Variants in KHSRP observed in about 807,000 individuals in gnomAD.
KHSRP encodes the protein KH-type splicing regulatory protein.
A neutral mutation model predicts 94.9 loss-of-function variants in KHSRP; 13 were observed. The observed-to-expected ratio is 0.14, with a 90% CI of 0.09 to 0.22. The LOEUF is 0.22. KHSRP is among the 10% of genes least tolerant of loss of function. The pLI is 1.00. For missense variants in KHSRP, 710 were observed against 1,010.0 expected (o/e 0.70, Z 4.03); for synonymous variants, 495 against 401.4 (o/e 1.23, Z -2.79).
In KHSRP at chr19:6,418,509, T is replaced by C. The variant is rs200819857; in HGVS notation, c.853A>G (p.Ile285Val). 109 of 1,613,742 alleles carry C rather than the reference T, an allele frequency of 6.8e-5. No homozygotes were observed. The highest frequency in any genetic ancestry group is 2.0e-5 in the Non-Finnish European group (24 of 1,179,810). Reference protein sequence around the residue: ...QNTNVDKPLRIIGDPYKVQQA... With the variant: ...QNTNVDKPLRVIGDPYKVQQA... ...TGCACTTTGTAAGGATCCCCAATGATGCGGAGAGGTTTGTCCACATTCGTA... is the reference window on the plus strand; with the variant it reads ...TGCACTTTGTAAGGATCCCCAATGACGCGGAGAGGTTTGTCCACATTCGTA... The change falls in exon 9 of 19, where the codon ATC becomes GTC. Residue 285 changes from isoleucine (I) to valine (V), a missense_variant. This residue lies in a region of KHSRP where 288 missense variants were observed against 501.1 expected (regional missense o/e 0.57). Coordinates refer to ENST00000600480, the MANE Select transcript of KHSRP (RefSeq NM_001366299.1). The surrounding 1 kb of genome is among the most constrained non-coding windows in gnomAD (Gnocchi z 4.3).
At chr19:6,422,487 A>C in intron 1 of KHSRP, 51 bp from the exon 2 acceptor site, 2 of 1,360,438 alleles carry the variant, frequency 1.5e-6, no homozygotes, top group Non-Finnish European at 2.1e-6. Context: ...ACAACCCTCC[A>C]TGGCACCCAG....
At chr19:6,422,235 C>G in intron 2 of KHSRP, 105 bp downstream of exon 2, 1 of 720,090 alleles carries the variant, frequency 1.4e-6, no homozygotes, top group Non-Finnish European at 2.4e-6. Context: ...TTTTAAAAGA[C>G]CAAACAACAG....
Position 6,414,075 on chromosome 19 carries a change from G to A in KHSRP, c.*949C>T. 2 of 1,466,674 alleles carry A rather than the reference G, an allele frequency of 1.4e-6. No individual in the cohort carries two copies. Among genetic ancestry groups the A allele is most frequent in the Non-Finnish European group, 9.2e-7 (1 of 1,090,382 alleles). 90.9% of individuals were successfully genotyped at this position (1,466,674 alleles called of 1,614,324 possible). On this transcript the variant is annotated 3_prime_UTR_variant, in exon 19 of 19. Coordinates refer to ENST00000600480, the MANE Select transcript of KHSRP (RefSeq NM_001366299.1). ...AACAGAACAAAATGGAAAAAAAAAA[G>A]ATTTTTCACAGATGAAGAAGTTCAC...
Position 6,419,014 on chromosome 19 carries a change from T to C in KHSRP, c.606-138A>G, listed in dbSNP as rs538530531. ...GGGAAGAGGGGCCAGTCACAGGGGC[T>C]GTTCAGGCTCCAGGTTCCCCAGGTC... On this transcript the variant is annotated intron_variant, in intron 7 of 18. Coordinates refer to ENST00000600480, the MANE Select transcript of KHSRP (RefSeq NM_001366299.1). 9.7e-6 allele frequency: 11 copies of C among 1,135,870 alleles called. No individual in the cohort carries two copies. In the African/African-American group the frequency reaches 1.3e-4, roughly 13 times the overall value. The allele number at this position is 1,135,870 out of a possible 1,614,324, so 70.4% of individuals were successfully genotyped here.
At chr19:6,420,524 G>A in intron 4 of KHSRP, 53 bp from the exon 5 acceptor site, 1 of 1,557,968 alleles carries the variant, frequency 6.4e-7, no homozygotes, top group South Asian at 1.1e-5. Context: ...GAGGAGGACA[G>A]CAGCTCTGGA....
At chr19:6,416,088 A>C (rs1364147663) in intron 15 of KHSRP, among the ~76,000 whole-genome samples, 192 bp from the exon 16 acceptor site, 5 of 152,228 alleles carry the variant, frequency 3.3e-5, no homozygotes, top group East Asian at 1.9e-4. Context: ...GACATGAAAG[A>C]AGCCGCGAAA....
chr19:6,421,066 C>T, intron 4 of KHSRP: 2 of 589,754 alleles, frequency 3.4e-6, no homozygotes, highest in South Asian at 4.1e-5. Context: ...CAGTGACTGC[C>T]ACGACGCTCC....
intron 14 of KHSRP, 23 bp downstream of exon 14, chr19:6,416,467 C>T: frequency 6.2e-7 from 1 of 1,612,424 alleles, no homozygotes; most frequent in Non-Finnish European, 8.5e-7. Context: ...GAGACCAAAT[C>T]CCCAGAGCCC....
At position 6,418,673 on chromosome 19, in the gene KHSRP, A is replaced by C. The variant is rs779542412; in HGVS notation, c.780+29T>G. ...GCGGTGGGGTGTGGCACACGGATGCAGAGGAAGCTGCCCAGGTGCTGCCCT... is the reference window on the plus strand; with the variant it reads ...GCGGTGGGGTGTGGCACACGGATGCCGAGGAAGCTGCCCAGGTGCTGCCCT... On this transcript the variant is annotated intron_variant, in intron 8 of 18. Transcript: ENST00000600480. This position sits in a 1 kb window ranked among gnomAD's most constrained non-coding sequence, Gnocchi z 4.3. The C allele has an allele frequency of 1.9e-5, 30 of 1,613,678 alleles. No homozygotes were observed. In the African/African-American group the frequency reaches 3.2e-4, roughly 17 times the overall value.
chr19:6,424,408 T>C lies in KHSRP; in HGVS notation c.249+45A>G, dbSNP rs1354987389. 7.3e-6 allele frequency: 6 copies of C among 819,346 alleles called. No individual in the cohort carries two copies. In the African/African-American group the frequency reaches 1.0e-4, roughly 14 times the overall value. The allele number at this position is 819,346 out of a possible 1,614,324, so 50.8% of individuals were successfully genotyped here. A position where few individuals can be genotyped will look rare whatever the true frequency, so the allele number is the denominator to read the frequency against. ...CGTGACCCCCGCCCCCTCCCCCGCC[T>C]GCGCGCGCGCGCGAGCGCGCCCCTC... On this transcript the variant is annotated intron_variant, in intron 1 of 18. Transcript: ENST00000600480.
In KHSRP at chr19:6,416,760, C is replaced by T. The variant is rs771208574; in HGVS notation, c.1305G>A (p.Lys435=). 3 of 1,596,858 alleles carry T rather than the reference C, an allele frequency of 1.9e-6. No homozygotes were observed. The highest frequency in any genetic ancestry group is 2.2e-5 in the East Asian group (1 of 44,462). Reference sequence around the variant, plus strand: ...CACCTCGGCCGATGACCAGCCCACACTTGTGAGTGGGGATGGAGAAGGTCA... The same window carrying T: ...CACCTCGGCCGATGACCAGCCCACATTTGTGAGTGGGGATGGAGAAGGTCA... ...GEMTFSIPTH[K]CGLVIGRGGE... The change falls in exon 13 of 19, where the codon AAG becomes AAA. Residue 435 remains lysine (K), a synonymous_variant. Coordinates refer to ENST00000600480, the MANE Select transcript of KHSRP (RefSeq NM_001366299.1).
At chr19:6,423,785 GA>G (rs2092209863) in intron 1 of KHSRP, among the ~76,000 whole-genome samples, 1 of 152,334 alleles carries the variant, frequency 6.6e-6, no homozygotes, top group East Asian at 1.9e-4. Context: ...AATGGAGCTG[GA>G]GAGGTCAGTC....
Position 6,424,514 on chromosome 19 carries a change from C to G in KHSRP, c.188G>C (p.Gly63Ala), listed in dbSNP as rs924252580. 1.0e-6 allele frequency: 1 copy of G among 986,714 alleles called. No individual in the cohort carries two copies. The highest frequency in any genetic ancestry group is 1.2e-6 in the Non-Finnish European group (1 of 832,372). The allele number at this position is 986,714 out of a possible 1,614,324, so 61.1% of individuals were successfully genotyped here. The change falls in exon 1 of 19, where the codon GGC becomes GCC. Residue 63 changes from glycine (G) to alanine (A), a missense_variant. By Grantham distance (60) the Gly-to-Ala change is moderately conservative (BLOSUM62 0). Coordinates refer to ENST00000600480, the MANE Select transcript of KHSRP (RefSeq NM_001366299.1). ...GSAGGPSQPP[G>A]GGGPGIRKDA... ...CTTGCGGATTCCCGGGCCGCCTCCG[C>G]CGGGTGGCTGAGAGGGGCCCCCGGC...
chr19:6,419,527 C>A (rs1173497431), intron 6 of KHSRP, among the ~76,000 whole-genome samples: 5 of 152,182 alleles, frequency 3.3e-5, no homozygotes, highest in Non-Finnish European at 7.3e-5. Context: ...GAGCCGGCCA[C>A]CCCCACTACC....
chr19:6,421,265 C>A lies in KHSRP; in HGVS notation c.425+13G>T. 6.3e-7 allele frequency: 1 copy of A among 1,580,888 alleles called. No homozygotes were observed. The highest frequency in any genetic ancestry group is 2.3e-5 in the East Asian group (1 of 43,112). ...ACAGACAAGAAAGCAGTGTGGGCCC[C>A]ACCATGGCTTACCTTGGGGGAGGAT... is the stretch of plus-strand genomic sequence containing the variant. On this transcript the variant is annotated intron_variant, in intron 4 of 18. Transcript: ENST00000600480.
Position 6,414,325 on chromosome 19 carries a change from G to C in KHSRP, c.*699C>G. Reference sequence around the variant, plus strand: ...ACTCGCTGAAGTCACGCTGCTCCCTGATGGAGAAGGAGGGACAGAGCAGGA... The same window carrying C: ...ACTCGCTGAAGTCACGCTGCTCCCTCATGGAGAAGGAGGGACAGAGCAGGA... On this transcript the variant is annotated 3_prime_UTR_variant, in exon 19 of 19. Transcript: ENST00000600480. 2 of 1,398,788 alleles carry C rather than the reference G, an allele frequency of 1.4e-6. No homozygotes were observed. The highest frequency in any genetic ancestry group is 1.9e-6 in the Non-Finnish European group (2 of 1,070,930). The allele number at this position is 1,398,788 out of a possible 1,614,324, so 86.6% of individuals were successfully genotyped here. A position where few individuals can be genotyped will look rare whatever the true frequency, so the allele number is the denominator to read the frequency against.
In KHSRP at chr19:6,424,744, AGGC is replaced by A. The variant is rs757588744; in HGVS notation, c.-46_-44del. The A allele has an allele frequency of 1.5e-3, 1,376 of 919,814 alleles. No homozygotes were observed. Among genetic ancestry groups the A allele is most frequent in the Middle Eastern group, 3.9e-3 (8 of 2,056 alleles). 57.0% of individuals were successfully genotyped at this position (919,814 alleles called of 1,614,324 possible). Reference sequence around the variant, plus strand: ...CCTGGCGCGGAGGCTGAAGCTGAGGAGGCGGCGGCGGCGGCGGCGGCTCAACGC... The same window carrying A: ...CCTGGCGCGGAGGCTGAAGCTGAGGAGGCGGCGGCGGCGGCGGCTCAACGC... On this transcript the variant is annotated 5_prime_UTR_variant, in exon 1 of 19. Transcript: ENST00000600480.
Position 6,414,999 on chromosome 19 carries a change from G to A in KHSRP, c.*25C>T, listed in dbSNP as rs767145527. ...TGCGTGGGGACTCCCGGAGACCTCC[G>A]GCCACACGGCCCCCGCTGCAGGCAT... On this transcript the variant is annotated 3_prime_UTR_variant, in exon 19 of 19. Transcript: ENST00000600480. The A allele has an allele frequency of 4.2e-5, 61 of 1,448,528 alleles. No individual in the cohort carries two copies. Among genetic ancestry groups the A allele is most frequent in the Admixed American group, 8.3e-5 (3 of 36,016 alleles). 89.7% of individuals were successfully genotyped at this position (1,448,528 alleles called of 1,614,324 possible). A position where few individuals can be genotyped will look rare whatever the true frequency, so the allele number is the denominator to read the frequency against.
intron 7 of KHSRP, 137 bp from the exon 8 acceptor site, chr19:6,419,013 C>CTG (rs2092176708): frequency 8.8e-7 from 1 of 1,131,210 alleles, no homozygotes; most frequent in African/African-American, 1.6e-5. Context: ...GTCACAGGGG[C>CTG]TGTTCAGGCT....
Sources: allele counts gnomAD v4.1 joint callset (sites outside exome capture counted in the v4.1 genomes callset), GRCh38; gene constraint gnomAD v4.1.1; regional missense constraint gnomAD v4.1.1; non-coding constraint Gnocchi (gnomAD v3.1); transcripts MANE v1.5; gene names NCBI Gene and HGNC (gene_info 2026-07-23, HGNC 2026-07-21).